Variants in EXOC6B observed in about 807,000 individuals in gnomAD.
EXOC6B encodes SEC15 homolog B.
A neutral mutation model predicts 113.5 loss-of-function variants in EXOC6B; 54 were observed. The ratio of observed to expected loss-of-function variants is 0.48; its 90% CI spans 0.38 to 0.60. The LOEUF is 0.60. EXOC6B is among the 20% of genes least tolerant of loss of function. EXOC6B has a pLI of 0.00. For synonymous variants in EXOC6B, 357 were observed against 339.0 expected (o/e 1.05, Z -0.58); for missense variants, 797 against 977.5 (o/e 0.82, Z 2.46).
chr2:72,521,673 C>T (rs2105717793), intron 8 of EXOC6B, among the ~76,000 whole-genome samples: 1 of 152,210 alleles, frequency 6.6e-6, no homozygotes, highest in East Asian at 1.9e-4. Flanking sequence ...TTAAGAAAGA[C>T]AGACATAGAA....
chr2:72,444,465 G>A (rs1238450202), intron 18 of EXOC6B, among the ~76,000 whole-genome samples: 1 of 152,172 alleles, frequency 6.6e-6, no homozygotes, highest in East Asian at 1.9e-4. Flanking sequence ...TGCCCCAGTA[G>A]GGACTCTGTG....
intron 19 of EXOC6B, 106 bp from the exon 20 acceptor site, chr2:72,335,126 C>A: frequency 1.0e-6 from 1 of 1,004,308 alleles, no homozygotes; most frequent in Non-Finnish European, 1.6e-6. Context: ...AGAGGAGGAC[C>A]AAGCTTCTAA....
intron 1 of EXOC6B, among the ~76,000 whole-genome samples, chr2:72,746,310 CA>C (rs369110252): frequency 9.2e-5 from 14 of 152,002 alleles, no homozygotes; most frequent in African/African-American, 2.7e-4. Context: ...AAAAGGCAAA[CA>C]AGAAGAAATA....
chr2:72,475,211 T>C (rs768204681), intron 17 of EXOC6B, among the ~76,000 whole-genome samples: 13 of 152,046 alleles, frequency 8.6e-5, no homozygotes, highest in Non-Finnish European at 1.6e-4. Flanking sequence ...GATGGGCCAA[T>C]TGTTGAGTTT....
intron 6 of EXOC6B, among the ~76,000 whole-genome samples, chr2:72,632,865 A>AATTT (rs1672569559): frequency 6.6e-6 from 1 of 151,984 alleles, no homozygotes; most frequent in African/African-American, 2.4e-5. Flanking sequence ...AATATTTGAT[A>AATTT]GAGTTTGAGT....
chr2:72,531,744 G>C (rs765951709), intron 8 of EXOC6B, among the ~76,000 whole-genome samples: 2 of 152,168 alleles, frequency 1.3e-5, no homozygotes, highest in Admixed American at 6.5e-5. Flanking sequence ...CCAGCACTTT[G>C]GGAGGCCAAG....
At position 72,825,307 on chromosome 2, in the gene EXOC6B, G is replaced by A. The variant is rs1042955704; in HGVS notation, c.113+491C>T. Among the ~76,000 whole-genome samples the A allele has an allele frequency of 2.0e-5, 3 of 152,174 alleles. No homozygotes were observed. Among genetic ancestry groups the A allele is most frequent in the African/African-American group, 7.2e-5 (3 of 41,432 alleles). On this transcript the variant is annotated intron_variant, in intron 1 of 21. Coordinates refer to ENST00000272427, the MANE Select transcript of EXOC6B (RefSeq NM_015189.3). This position sits in a 1 kb window ranked among gnomAD's most constrained non-coding sequence, Gnocchi z 4.4. ...CGCGGGTTGGGGAAACTTCCATCCA[G>A]GCCTAGGATTTCCAGGGACTCGTTT...
chr2:72,233,688 G>A (rs1183974883), intron 20 of EXOC6B, among the ~76,000 whole-genome samples: 2 of 152,188 alleles, frequency 1.3e-5, no homozygotes, highest in African/African-American at 4.8e-5. Context: ...AGACACAGTT[G>A]TGGCACCTGG....
chr2:72,595,482 G>C (rs1285664957), intron 6 of EXOC6B, among the ~76,000 whole-genome samples: 1 of 151,186 alleles, frequency 6.6e-6, no homozygotes, highest in Admixed American at 6.6e-5. Flanking sequence ...AAGAAGTTAA[G>C]AAAATATGAA....
chr2:72,478,737 A>G (rs1698896916), intron 17 of EXOC6B, among the ~76,000 whole-genome samples: 1 of 152,252 alleles, frequency 6.6e-6, no homozygotes, highest in Non-Finnish European at 1.5e-5. Flanking sequence ...TTGAAAAGCT[A>G]TTGACATAAA....
intron 6 of EXOC6B, among the ~76,000 whole-genome samples, chr2:72,692,460 TC>T (rs1677561087): frequency 6.6e-6 from 1 of 151,754 alleles, no homozygotes; most frequent in Non-Finnish European, 1.5e-5. Flanking sequence ...CATGCCATTC[TC>T]CTGCCTCAGC....
chr2:72,251,540 TGA>T (rs1683016967), intron 20 of EXOC6B, among the ~76,000 whole-genome samples: 1 of 152,166 alleles, frequency 6.6e-6, no homozygotes, highest in Non-Finnish European at 1.5e-5. Context: ...GGGATACATG[TGA>T]GAGTTTGAAG....
chr2:72,773,817 A>G (rs193157280), intron 1 of EXOC6B, among the ~76,000 whole-genome samples: 60 of 152,314 alleles, frequency 3.9e-4, no homozygotes, highest in Admixed American at 6.5e-4. Flanking sequence ...AGTTTTGGTT[A>G]AAGTATATGA....
chr2:72,368,334 T>C (rs1314964775), intron 19 of EXOC6B, among the ~76,000 whole-genome samples: 1 of 152,166 alleles, frequency 6.6e-6, no homozygotes, highest in Non-Finnish European at 1.5e-5. Flanking sequence ...AATCTCTGAA[T>C]AGACCAATAA....
At chr2:72,179,621 A>C (rs1210106439) in intron 21 of EXOC6B, among the ~76,000 whole-genome samples, 160 bp from the exon 22 acceptor site, 2 of 152,118 alleles carry the variant, frequency 1.3e-5, no homozygotes, top group Non-Finnish European at 2.9e-5. Context: ...CCTACTCATC[A>C]GGAAGCTGGC....
At chr2:72,262,677 A>G (rs1034133915) in intron 20 of EXOC6B, among the ~76,000 whole-genome samples, 2 of 152,070 alleles carry the variant, frequency 1.3e-5, no homozygotes, top group Non-Finnish European at 2.9e-5. Flanking sequence ...GAAGTTCAAG[A>G]GCACTGAGCA....
chr2:72,421,868 G>A (rs1231956804), intron 18 of EXOC6B, among the ~76,000 whole-genome samples: 1 of 152,232 alleles, frequency 6.6e-6, no homozygotes, highest in Non-Finnish European at 1.5e-5. Flanking sequence ...TGCAGCGCTT[G>A]CGGGCCAGCT....
chr2:72,355,016 C>T (rs1689889315), intron 19 of EXOC6B, among the ~76,000 whole-genome samples: 1 of 152,164 alleles, frequency 6.6e-6, no homozygotes, highest in East Asian at 1.9e-4. Flanking sequence ...CCCAAAGAAG[C>T]TTTTACATAA....
At chr2:72,605,285 CAAAAAAAAAAAAGGAAAA>C (rs1670685692) in intron 6 of EXOC6B, among the ~76,000 whole-genome samples, 1 of 104,726 alleles carries the variant, frequency 9.5e-6, no homozygotes, top group East Asian at 2.6e-4. Flanking sequence ...CTCTGTCTCC[CAAAAAAAAAAAAGGAAAA>C]AAAAAAGAAA....
Sources: allele counts gnomAD v4.1 joint callset (sites outside exome capture counted in the v4.1 genomes callset), GRCh38; gene constraint gnomAD v4.1.1; non-coding constraint Gnocchi (gnomAD v3.1); transcripts MANE v1.5; gene names NCBI Gene and HGNC (gene_info 2026-07-23, HGNC 2026-07-21).